The following CRTC1 variants were observed in gnomAD, a reference collection of about 807,000 sequenced individuals.
The protein encoded by CRTC1 is CREB-regulated transcription coactivator 1.
In CRTC1, 18 loss-of-function variants were observed where a neutral mutation model predicts 66.1. That is an observed-to-expected ratio of 0.27 (90% CI 0.19 to 0.40). CRTC1 has a LOEUF of 0.40. Among genes scored for constraint, CRTC1 ranks in the 10% least tolerant of loss-of-function variants. The probability of loss-of-function intolerance (pLI) is 1.00; values close to 1 mark genes in which losing one functional copy is unlikely to be tolerated. For synonymous variants in CRTC1, 416 were observed against 398.8 expected, an observed-to-expected ratio of 1.04 and a Z score of -0.51; for missense variants, 669 against 887.9, an observed-to-expected ratio of 0.75 and a Z score of 3.13.
At chr19:18,708,095 G>A (rs1191748096) in intron 1 of CRTC1, among the ~76,000 whole-genome samples, 1 of 152,214 alleles carries the variant, frequency 6.6e-6, no homozygotes, top group Non-Finnish European at 1.5e-5. Flanking sequence ...CGAGTTGCCG[G>A]TGCAAGAGGT....
intron 1 of CRTC1, among the ~76,000 whole-genome samples, chr19:18,715,840 C>T (rs2053494519): frequency 6.6e-6 from 1 of 152,214 alleles, no homozygotes; most frequent in African/African-American, 2.4e-5. Context: ...CTGAACCCAC[C>T]CTGCTCAGGG....
Position 18,777,073 on chromosome 19 carries a change from G to C in CRTC1, c.1694-98G>C, listed in dbSNP as rs1316720382. 3 of 711,962 alleles carry C rather than the reference G, an allele frequency of 4.2e-6. No homozygotes were observed. The highest frequency in any genetic ancestry group is 7.5e-6 in the Non-Finnish European group (3 of 402,204). The allele number at this position is 711,962 out of a possible 1,614,324, so 44.1% of individuals were successfully genotyped here. ...CCCAGACATTGCCAGCATACCCAGG[G>C]GACAGAGTCGCCCGGCGGGCATGCC... On this transcript the variant is annotated intron_variant, in intron 13 of 13. Coordinates refer to ENST00000321949, the MANE Select transcript of CRTC1 (RefSeq NM_015321.3). The surrounding 1 kb of genome is among the most constrained non-coding windows in gnomAD (Gnocchi z 5.5).
At chr19:18,761,128 C>G (rs1001475017) in intron 8 of CRTC1, among the ~76,000 whole-genome samples, 1 of 152,226 alleles carries the variant, frequency 6.6e-6, no homozygotes, top group African/African-American at 2.4e-5. Context: ...GGCTGCAGGC[C>G]TCCCTCCCTC....
intron 1 of CRTC1, among the ~76,000 whole-genome samples, chr19:18,692,798 G>A (rs1402465746): frequency 3.3e-5 from 5 of 152,042 alleles, no homozygotes; most frequent in South Asian, 2.1e-4. Flanking sequence ...TTTCTGGGCC[G>A]GGCACGGTGG....
intron 7 of CRTC1, among the ~76,000 whole-genome samples, 166 bp from the exon 8 acceptor site, chr19:18,759,842 T>G (rs1042711314): frequency 2.0e-5 from 3 of 151,572 alleles, no homozygotes; most frequent in Non-Finnish European, 2.9e-5. Flanking sequence ...ATAGGCTGCT[T>G]TCCAAGGTCT....
At chr19:18,742,734 C>G (rs2054138509) in intron 1 of CRTC1, among the ~76,000 whole-genome samples, 176 bp from the exon 2 acceptor site, 1 of 152,244 alleles carries the variant, frequency 6.6e-6, no homozygotes, top group African/African-American at 2.4e-5. Context: ...CTGATTCTGC[C>G]ATTTTTGGTG....
At chr19:18,695,692 C>T (rs977793753) in intron 1 of CRTC1, among the ~76,000 whole-genome samples, 4 of 152,008 alleles carry the variant, frequency 2.6e-5, no homozygotes, top group Admixed American at 6.6e-5. Context: ...AGTGAAACCC[C>T]GTCTCTACTA....
intron 1 of CRTC1, among the ~76,000 whole-genome samples, chr19:18,717,156 C>T (rs1047644410): frequency 7.2e-5 from 11 of 152,022 alleles, no homozygotes; most frequent in African/African-American, 1.9e-4. Context: ...GGGTGACTGG[C>T]GCTGGGCTGG....
At chr19:18,699,416 C>T (rs2145521390) in intron 1 of CRTC1, among the ~76,000 whole-genome samples, 1 of 152,296 alleles carries the variant, frequency 6.6e-6, no homozygotes, top group Non-Finnish European at 1.5e-5. Flanking sequence ...GGGTCAAATC[C>T]TCGGGGTAGG....
In CRTC1 at chr19:18,748,254, T is replaced by TA. The variant is rs2054288657; in HGVS notation, c.443+1142dup. Among the ~76,000 whole-genome samples, 10 of 152,032 alleles carry TA rather than the reference T, an allele frequency of 6.6e-5. No individual in the cohort carries two copies. The South Asian group carries it at 2.1e-3, about 32-fold the overall frequency. ...ATGTATACAAACGTGTGTGTGTATATAATTTTTTTTCTGAGACATGGTCAC... is the reference window on the plus strand; with the variant it reads ...ATGTATACAAACGTGTGTGTGTATATAAATTTTTTTTCTGAGACATGGTCAC... On this transcript the variant is annotated intron_variant, in intron 4 of 13. Coordinates refer to ENST00000321949, the MANE Select transcript of CRTC1 (RefSeq NM_015321.3).
intron 1 of CRTC1, 95 bp from the exon 2 acceptor site, chr19:18,742,815 C>A (rs991041858): frequency 2.5e-5 from 22 of 875,304 alleles, no homozygotes; most frequent in African/African-American, 8.2e-5. Context: ...GGCTGTCAAT[C>A]CCACCACTTG....
chr19:18,747,865 C>T (rs1422111277), intron 4 of CRTC1, among the ~76,000 whole-genome samples: 1 of 152,008 alleles, frequency 6.6e-6, no homozygotes, highest in Non-Finnish European at 1.5e-5. Flanking sequence ...TCAGTTGAAC[C>T]CAGGAGTTGA....
In CRTC1 at chr19:18,742,940, C is replaced by A; in HGVS notation, c.157C>A (p.Leu53Met). The change falls in exon 2 of 14, where the codon CTG becomes ATG. Residue 53 changes from leucine to methionine, a missense_variant. This residue lies in a region of CRTC1 where 214 missense variants were observed against 323.4 expected (regional missense o/e 0.66). Coordinates refer to ENST00000321949, the MANE Select transcript of CRTC1 (RefSeq NM_015321.3). ...LQLQKSQYLQLGPSRGQYYGG... is the reference protein window; with the variant it reads ...LQLQKSQYLQMGPSRGQYYGG... ...GCTCCAGAAATCCCAGTACCTGCAACTGGGCCCCAGCCGAGGCCAGTACTA... is the reference window on the plus strand; with the variant it reads ...GCTCCAGAAATCCCAGTACCTGCAAATGGGCCCCAGCCGAGGCCAGTACTA... 6.2e-7 allele frequency: 1 copy of A among 1,613,888 alleles called. No individual in the cohort carries two copies. Among genetic ancestry groups the A allele is most frequent in the Admixed American group, 1.7e-5 (1 of 60,026 alleles).
At chr19:18,693,767 A>G (rs2052913176) in intron 1 of CRTC1, among the ~76,000 whole-genome samples, 1 of 150,624 alleles carries the variant, frequency 6.6e-6, no homozygotes, top group Non-Finnish European at 1.5e-5. Context: ...GGCGTGAGCC[A>G]CCATTCCCGG....
At chr19:18,733,433 G>A (rs1333858065) in intron 1 of CRTC1, among the ~76,000 whole-genome samples, 1 of 152,198 alleles carries the variant, frequency 6.6e-6, no homozygotes, top group Non-Finnish European at 1.5e-5. Flanking sequence ...TGGAAATTTG[G>A]CAGCAGCAAC....
Position 18,741,992 on chromosome 19 carries a change from G to A in CRTC1, c.127-918G>A, listed in dbSNP as rs991990973. Among the ~76,000 whole-genome samples the A allele has an allele frequency of 4.6e-5, 7 of 152,098 alleles. No homozygotes were observed. The highest frequency in any genetic ancestry group is 7.2e-5 in the African/African-American group (3 of 41,420). Reference sequence around the variant, plus strand: ...GTCCACCCTAGCAACCGCCCCTGCCGGGCCAGAGTGGACAACCACCCCTCC... The same window carrying A: ...GTCCACCCTAGCAACCGCCCCTGCCAGGCCAGAGTGGACAACCACCCCTCC... On this transcript the variant is annotated intron_variant, in intron 1 of 13. Coordinates refer to ENST00000321949, the MANE Select transcript of CRTC1 (RefSeq NM_015321.3). The surrounding 1 kb of genome is among the most constrained non-coding windows in gnomAD (Gnocchi z 4.2).
At chr19:18,702,795 A>G (rs1600785972) in intron 1 of CRTC1, among the ~76,000 whole-genome samples, 1 of 152,064 alleles carries the variant, frequency 6.6e-6, no homozygotes, top group South Asian at 2.1e-4. Context: ...CGGCCCCCCA[A>G]AGTGCTGGGA....
chr19:18,723,457 G>A (rs2053673768), intron 1 of CRTC1, among the ~76,000 whole-genome samples: 1 of 152,304 alleles, frequency 6.6e-6, no homozygotes, highest in South Asian at 2.1e-4. Context: ...GAAGTAGCAG[G>A]GCGTGAGGAA....
intron 1 of CRTC1, among the ~76,000 whole-genome samples, chr19:18,694,523 C>T (rs986197057): frequency 1.3e-5 from 2 of 152,140 alleles, no homozygotes; most frequent in Non-Finnish European, 2.9e-5. Context: ...GCTTTGACCT[C>T]CTGGGCTCTA....
Sources: gnomAD v4.1 joint callset for allele counts (sites outside exome capture counted in the v4.1 genomes callset) on GRCh38, gnomAD v4.1.1 for gene constraint, gnomAD v4.1.1 regional missense constraint, Gnocchi (gnomAD v3.1) non-coding constraint, MANE v1.5 for transcripts, NCBI Gene and HGNC (gene_info 2026-07-23, HGNC 2026-07-21) for gene names.